CAMKMT: variants seen among roughly 807,000 people sequenced by gnomAD.
CAMKMT encodes the protein calmodulin-lysine N-methyltransferase.
CAMKMT carries 53 observed loss-of-function variants against 48.0 expected under a neutral mutation model. That is an observed-to-expected ratio of 1.10 (90% CI 0.89 to 1.39). CAMKMT has a LOEUF of 1.39. Among genes scored for constraint, CAMKMT ranks in the 40% most tolerant of loss-of-function variants. The probability of loss-of-function intolerance (pLI) is 0.00; values close to 1 mark genes in which losing one functional copy is unlikely to be tolerated. For missense variants in CAMKMT, 428 were observed against 402.7 expected (o/e 1.06, Z -0.54); for synonymous variants, 165 against 152.3 (o/e 1.08, Z -0.61).
intron 3 of CAMKMT, among the ~76,000 whole-genome samples, chr2:44,461,539 A>G (rs546967662): frequency 6.6e-6 from 1 of 152,276 alleles, no homozygotes; most frequent in African/African-American, 2.4e-5. Context: ...CTGAAAATGT[A>G]TTGCTACTTT....
chr2:44,383,513 G>A (rs1680471274), intron 2 of CAMKMT, among the ~76,000 whole-genome samples: 1 of 151,942 alleles, frequency 6.6e-6, no homozygotes, highest in Admixed American at 6.6e-5. Context: ...TAAGTTATTG[G>A]GGTATAGGTG....
intron 3 of CAMKMT, among the ~76,000 whole-genome samples, chr2:44,490,554 C>T (rs1669445705): frequency 6.6e-6 from 1 of 152,172 alleles, no homozygotes; most frequent in African/African-American, 2.4e-5. Flanking sequence ...GGATTACAGG[C>T]ATGAGCCACT....
intron 8 of CAMKMT, among the ~76,000 whole-genome samples, chr2:44,744,362 C>G (rs771659714): frequency 6.6e-6 from 1 of 152,062 alleles, no homozygotes; most frequent in Non-Finnish European, 1.5e-5. Flanking sequence ...TATTTTAGCC[C>G]AATCTACTTA....
intron 3 of CAMKMT, among the ~76,000 whole-genome samples, chr2:44,579,731 T>A (rs1190354497): frequency 6.6e-6 from 1 of 152,222 alleles, no homozygotes; most frequent in African/African-American, 2.4e-5. Context: ...GTGAGAGATT[T>A]GGCCACTCAG....
intron 7 of CAMKMT, among the ~76,000 whole-genome samples, chr2:44,731,277 G>T (rs1251195469): frequency 1.3e-5 from 2 of 152,132 alleles, no homozygotes; most frequent in Admixed American, 6.5e-5. Context: ...GGGGGCAGAG[G>T]TTGCAGTGAG....
chr2:44,408,752 A>T (rs962726653), intron 3 of CAMKMT, among the ~76,000 whole-genome samples: 5 of 151,502 alleles, frequency 3.3e-5, no homozygotes, highest in African/African-American at 4.9e-5. Flanking sequence ...TAATTAATTA[A>T]TTTTTTTGAG....
chr2:44,498,845 T>G (rs1474528631), intron 3 of CAMKMT, among the ~76,000 whole-genome samples: 8 of 152,174 alleles, frequency 5.3e-5, no homozygotes, highest in Admixed American at 1.3e-4. Context: ...ATGAGATTGG[T>G]CTCTTTTGAC....
chr2:44,540,771 G>C (rs1241020335), intron 3 of CAMKMT, among the ~76,000 whole-genome samples: 1 of 152,104 alleles, frequency 6.6e-6, no homozygotes, highest in Non-Finnish European at 1.5e-5. Flanking sequence ...CTCAGATATG[G>C]GTTCTAGATA....
intron 3 of CAMKMT, among the ~76,000 whole-genome samples, chr2:44,611,949 G>A (rs1427458052): frequency 3.9e-5 from 6 of 152,010 alleles, no homozygotes; most frequent in African/African-American, 1.4e-4. Context: ...CATTTGTGAG[G>A]GATCTGCCCC....
At chr2:44,542,392 G>A (rs936871684) in intron 3 of CAMKMT, among the ~76,000 whole-genome samples, 2 of 151,818 alleles carry the variant, frequency 1.3e-5, no homozygotes, top group Non-Finnish European at 2.9e-5. Context: ...CATAAACACT[G>A]CTAGGCATTT....
intron 3 of CAMKMT, among the ~76,000 whole-genome samples, chr2:44,688,069 T>C (rs1233297184): frequency 6.6e-6 from 1 of 152,218 alleles, no homozygotes; most frequent in Non-Finnish European, 1.5e-5. Flanking sequence ...CGTAAATTTA[T>C]AGATCCAGTT....
chr2:44,505,751 C>G (rs183926539), intron 3 of CAMKMT, among the ~76,000 whole-genome samples: 5 of 152,212 alleles, frequency 3.3e-5, no homozygotes, highest in African/African-American at 1.2e-4. Flanking sequence ...CCGTGCAGTT[C>G]AAATCCGTGT....
chr2:44,419,816 C>A (rs762811691), intron 3 of CAMKMT, among the ~76,000 whole-genome samples: 1 of 152,162 alleles, frequency 6.6e-6, no homozygotes, highest in African/African-American at 2.4e-5. Flanking sequence ...ATGATCACAC[C>A]TGTGAATAGC....
chr2:44,385,284 G>A (rs1680676557), intron 2 of CAMKMT, among the ~76,000 whole-genome samples: 1 of 151,864 alleles, frequency 6.6e-6, no homozygotes, highest in African/African-American at 2.4e-5. Flanking sequence ...TCTCTACTTG[G>A]TTGCCGTTGG....
chr2:44,519,250 C>T (rs1296291088), intron 3 of CAMKMT, among the ~76,000 whole-genome samples: 1 of 152,160 alleles, frequency 6.6e-6, no homozygotes, highest in Non-Finnish European at 1.5e-5. Context: ...TACTGGTGGA[C>T]ATTGAACTTT....
intron 2 of CAMKMT, 88 bp downstream of exon 2, chr2:44,372,976 C>G: frequency 8.0e-7 from 1 of 1,256,942 alleles, no homozygotes; most frequent in Non-Finnish European, 1.1e-6. Flanking sequence ...ATTATTTATT[C>G]TATTGAGTTT....
intron 3 of CAMKMT, among the ~76,000 whole-genome samples, chr2:44,524,986 G>A (rs1671326883): frequency 6.6e-6 from 1 of 151,102 alleles, no homozygotes. Flanking sequence ...AAAAAACTTA[G>A]CTTGTTAATC....
chr2:44,705,440 C>A (rs577298901), intron 4 of CAMKMT: 1 of 985,246 alleles, frequency 1.0e-6, no homozygotes, highest in Non-Finnish European at 1.2e-6. Flanking sequence ...TTGTTCATCT[C>A]GCTGTGCTTA....
intron 6 of CAMKMT, among the ~76,000 whole-genome samples, chr2:44,710,036 C>G (rs1487313291): frequency 6.6e-6 from 1 of 151,490 alleles, no homozygotes; most frequent in Non-Finnish European, 1.5e-5. Context: ...TTCTTGGCTT[C>G]TGAATTTAAT....
Sources: allele counts gnomAD v4.1 joint callset (sites outside exome capture counted in the v4.1 genomes callset), GRCh38; gene constraint gnomAD v4.1.1; transcripts MANE v1.5; gene names NCBI Gene and HGNC (gene_info 2026-07-23, HGNC 2026-07-21).